KIAA1328: variants seen among roughly 807,000 people sequenced by gnomAD.
KIAA1328 encodes the protein protein hinderin.
Under a neutral mutation model 68.1 loss-of-function variants are expected in KIAA1328, and 52 were observed. The ratio of observed to expected loss-of-function variants is 0.76; its 90% confidence interval spans 0.61 to 0.96. KIAA1328 has a LOEUF of 0.96. KIAA1328 is among the 40% of genes least tolerant of loss of function. The pLI is 0.00. For synonymous variants in KIAA1328, 232 were observed against 239.4 expected, an observed-to-expected ratio of 0.97 and a Z score of 0.28; for missense variants, 641 against 677.6, an observed-to-expected ratio of 0.95 and a Z score of 0.60.
intron 9 of KIAA1328, among the ~76,000 whole-genome samples, chr18:37,183,510 C>T (rs1026496618): frequency 1.3e-5 from 2 of 152,120 alleles, no homozygotes; most frequent in Non-Finnish European, 2.9e-5. Flanking sequence ...ACTTCTTAAC[C>T]CCAGCACACC....
chr18:37,178,368 T>G (rs1291366512), intron 9 of KIAA1328, among the ~76,000 whole-genome samples: 1 of 152,190 alleles, frequency 6.6e-6, no homozygotes, highest in African/African-American at 2.4e-5. Flanking sequence ...CTTATTTCAC[T>G]TGACATAATA....
chr18:36,921,582 T>C (rs867292575), intron 5 of KIAA1328, among the ~76,000 whole-genome samples: 19 of 152,202 alleles, frequency 1.2e-4, no homozygotes, highest in Middle Eastern at 6.8e-3. Flanking sequence ...TTTTTTGTAT[T>C]TTTAGTAGAG....
At chr18:37,226,759 A>C (rs2154228079), downstream of KIAA1328, among the ~76,000 whole-genome samples, 1 of 144,630 alleles carries the variant, frequency 6.9e-6, no homozygotes, top group Non-Finnish European at 1.5e-5. Flanking sequence ...GCTGCCATGA[A>C]GATCCATGCA....
intron 4 of KIAA1328, among the ~76,000 whole-genome samples, chr18:36,874,822 CG>C (rs1206884104): frequency 6.6e-6 from 1 of 152,100 alleles, no homozygotes; most frequent in African/African-American, 2.4e-5. Context: ...TTAGGTCTTA[CG>C]TTTAAGTCTT....
At chr18:37,091,548 G>A (rs749356588) in intron 7 of KIAA1328, among the ~76,000 whole-genome samples, 1 of 152,130 alleles carries the variant, frequency 6.6e-6, no homozygotes, top group Non-Finnish European at 1.5e-5. Flanking sequence ...CCATGCAACA[G>A]CATTGTTCCA....
chr18:37,052,204 G>A (rs1296555160), intron 6 of KIAA1328, among the ~76,000 whole-genome samples: 1 of 152,076 alleles, frequency 6.6e-6, no homozygotes, highest in Admixed American at 6.6e-5. Flanking sequence ...ATATGCAAAT[G>A]AATAAATGTG....
intron 7 of KIAA1328, among the ~76,000 whole-genome samples, chr18:37,081,756 C>T (rs2056955936): frequency 6.6e-6 from 1 of 152,070 alleles, no homozygotes; most frequent in South Asian, 2.1e-4. Flanking sequence ...TCAGTGCATC[C>T]TTCATGTTTC....
chr18:37,011,869 T>A (rs1043877139), intron 6 of KIAA1328, among the ~76,000 whole-genome samples: 1 of 152,096 alleles, frequency 6.6e-6, no homozygotes, highest in Non-Finnish European at 1.5e-5. Context: ...ATTTTTGTGA[T>A]GATTACCCAG....
intron 9 of KIAA1328, among the ~76,000 whole-genome samples, chr18:37,219,755 A>C (rs1188230053): frequency 2.0e-5 from 3 of 152,172 alleles, no homozygotes; most frequent in Non-Finnish European, 4.4e-5. Flanking sequence ...TGGCTAGGAA[A>C]GGGAAGTCCC....
intron 7 of KIAA1328, among the ~76,000 whole-genome samples, chr18:37,134,891 C>T (rs192635700): frequency 6.6e-6 from 1 of 152,238 alleles, no homozygotes; most frequent in African/African-American, 2.4e-5. Flanking sequence ...GTGTCTATTA[C>T]CTTCTTTATG....
chr18:37,222,530 A>G lies in KIAA1328; in HGVS notation c.*303A>G. 8.8e-7 allele frequency: 1 copy of G among 1,142,080 alleles called. No individual in the cohort carries two copies. Among genetic ancestry groups the G allele is most frequent in the Non-Finnish European group, 1.1e-6 (1 of 927,334 alleles). The allele number at this position is 1,142,080 out of a possible 1,614,324, so 70.7% of individuals were successfully genotyped here. A position where few individuals can be genotyped will look rare whatever the true frequency, so the allele number is the denominator to read the frequency against. On this transcript the variant is annotated 3_prime_UTR_variant, in exon 10 of 10. Transcript: ENST00000280020. ...TGGAAACCATTGCATATTCAGCCTC[A>G]TTTCAAGAGTGTTTCCTTCTCAAAC... is the stretch of plus-strand genomic sequence containing the variant.
chr18:37,014,002 ATC>A (rs909065179), intron 6 of KIAA1328, among the ~76,000 whole-genome samples: 2 of 152,190 alleles, frequency 1.3e-5, no homozygotes, highest in African/African-American at 4.8e-5. Flanking sequence ...CCTCGCCAGC[ATC>A]TGTTTTTTTG....
At chr18:36,887,912 T>G (rs2048554311) in intron 5 of KIAA1328, among the ~76,000 whole-genome samples, 1 of 152,198 alleles carries the variant, frequency 6.6e-6, no homozygotes, top group African/African-American at 2.4e-5. Flanking sequence ...GTAGACAGTT[T>G]AGAAAACCTG....
chr18:36,866,139 C>T (rs537306807), intron 4 of KIAA1328, among the ~76,000 whole-genome samples: 84 of 152,320 alleles, frequency 5.5e-4, no homozygotes, highest in African/African-American at 2.0e-3. Context: ...CCGCTCCTCC[C>T]CATGCTTGGG....
At chr18:37,063,033 T>A (rs1208225230) in intron 6 of KIAA1328, among the ~76,000 whole-genome samples, 1 of 133,830 alleles carries the variant, frequency 7.5e-6, no homozygotes, top group African/African-American at 3.9e-5. Context: ...CTGGGCTGCA[T>A]TCCTTTTTTT....
intron 8 of KIAA1328, 37 bp downstream of exon 8, chr18:37,160,418 G>C (rs748799412): frequency 1.3e-6 from 2 of 1,544,520 alleles, no homozygotes; most frequent in Middle Eastern, 1.8e-4. Context: ...ATGAGAAACT[G>C]GTAGGGGAAG....
At chr18:37,150,003 A>G (rs1267503822) in intron 7 of KIAA1328, among the ~76,000 whole-genome samples, 1 of 152,178 alleles carries the variant, frequency 6.6e-6, no homozygotes, top group African/African-American at 2.4e-5. Flanking sequence ...AGCACTTTTG[A>G]CAATTTAAAC....
At position 37,160,264 on chromosome 18, in the gene KIAA1328, G is replaced by A. The variant is rs748177190; in HGVS notation, c.1297G>A (p.Asp433Asn). The A allele has an allele frequency of 8.1e-6, 13 of 1,613,446 alleles. No individual in the cohort carries two copies. Among genetic ancestry groups the A allele is most frequent in the Non-Finnish European group, 1.1e-5 (13 of 1,179,706 alleles). The change falls in exon 8 of 10, where the codon GAC becomes AAC. Residue 433 changes from aspartate (D) to asparagine (N), a missense_variant. Asp to Asn is a conservative substitution (Grantham distance 23). Coordinates refer to ENST00000280020, the MANE Select transcript of KIAA1328 (RefSeq NM_020776.3). ...ATCATCATCTATTAAAAAGCACCAAGACCCCCCAAACAGTGGAGAGAATAG... is the reference window on the plus strand; with the variant it reads ...ATCATCATCTATTAAAAAGCACCAAAACCCCCCAAACAGTGGAGAGAATAG... ...GTSSSIKKHQ[D>N]PPNSGENRKE...
chr18:37,228,610 G>C (rs2060651128), downstream of KIAA1328, among the ~76,000 whole-genome samples: 1 of 152,110 alleles, frequency 6.6e-6, no homozygotes, highest in African/African-American at 2.4e-5. Context: ...CCTGAGGTCA[G>C]GAGTTCAAGA....
Sources: allele counts gnomAD v4.1 joint callset (sites outside exome capture counted in the v4.1 genomes callset), GRCh38; gene constraint gnomAD v4.1.1; transcripts MANE v1.5; gene names NCBI Gene and HGNC (gene_info 2026-07-23, HGNC 2026-07-21).